Variants in NHSL3 observed in about 807,000 individuals in gnomAD.
The protein encoded by NHSL3 is NHS like 3.
chr1:32,742,041 C>T, the NHSL3 span: 101 of 1,259,698 alleles, frequency 8.0e-5, no homozygotes, highest in African/African-American at 1.4e-3. Context: ...AGTCCCGCTC[C>T]GGCGCGTCCG....
the NHSL3 span, among the ~76,000 whole-genome samples, chr1:32,745,309 C>T: frequency 1.3e-5 from 2 of 151,898 alleles, no homozygotes; most frequent in Admixed American, 6.6e-5. Context: ...CCTGTAATCC[C>T]AGCACTTTGG....
At chr1:32,744,353 TAGA>T in the NHSL3 span, among the ~76,000 whole-genome samples, 26 of 152,228 alleles carry the variant, frequency 1.7e-4, no homozygotes, top group Admixed American at 3.9e-4. Context: ...TGCACAAACT[TAGA>T]AGAAGAGAGG....
the NHSL3 span, among the ~76,000 whole-genome samples, chr1:32,748,261 G>A: frequency 6.6e-6 from 1 of 152,044 alleles, no homozygotes; most frequent in Non-Finnish European, 1.5e-5. Flanking sequence ...CCTGGGCGAC[G>A]GGAGTTCAAC....
chr1:32,754,106 A>G, the NHSL3 span: 3 of 708,654 alleles, frequency 4.2e-6, no homozygotes, highest in African/African-American at 1.8e-5. Flanking sequence ...AACTCACACC[A>G]CAAGAGGAAG....
At chr1:32,766,138 T>G in the NHSL3 span, among the ~76,000 whole-genome samples, 2 of 152,084 alleles carry the variant, frequency 1.3e-5, no homozygotes, top group African/African-American at 4.8e-5. Context: ...CCAGTCAAGA[T>G]GTACTAGCCT....
At chr1:32,768,135 C>T in the NHSL3 span, 18 of 1,524,206 alleles carry the variant, frequency 1.2e-5, no homozygotes, top group African/African-American at 2.5e-4. Flanking sequence ...CTGCCTCCAG[C>T]TCAGTCCTGA....
the NHSL3 span, chr1:32,767,636 G>A: frequency 0.68 from 438,710 of 648,466 alleles, 149,661 homozygotes; most frequent in East Asian, 0.82. Flanking sequence ...AGAACTGTGG[G>A]TTATGTGTCC....
the NHSL3 span, among the ~76,000 whole-genome samples, chr1:32,750,451 T>C: frequency 6.6e-6 from 1 of 152,182 alleles, no homozygotes; most frequent in Non-Finnish European, 1.5e-5. Context: ...TGAGGCCTCC[T>C]GTCTGCTTAG....
chr1:32,757,983 C>T, the NHSL3 span, among the ~76,000 whole-genome samples: 3 of 152,156 alleles, frequency 2.0e-5, no homozygotes, highest in Non-Finnish European at 2.9e-5. Context: ...AGCATTAAAG[C>T]CTCCAAGCGC....
At chr1:32,747,188 T>G in the NHSL3 span, among the ~76,000 whole-genome samples, 4 of 148,670 alleles carry the variant, frequency 2.7e-5, no homozygotes, top group African/African-American at 1.0e-4. Context: ...TTTTTTTTTG[T>G]TTTGTTTTGT....
the NHSL3 span, among the ~76,000 whole-genome samples, chr1:32,758,470 C>A: frequency 6.6e-6 from 1 of 152,106 alleles, no homozygotes; most frequent in African/African-American, 2.4e-5. Context: ...GGTTCCACAG[C>A]TGGACAAGGC....
At chr1:32,768,546 G>A in the NHSL3 span, 2 of 1,414,906 alleles carry the variant, frequency 1.4e-6, no homozygotes, top group Non-Finnish European at 1.9e-6. Context: ...GGTGAGCCAA[G>A]ATTTCGCTAC....
At chr1:32,771,167 A>C in the NHSL3 span, 4 of 1,605,532 alleles carry the variant, frequency 2.5e-6, no homozygotes, top group Admixed American at 1.7e-5. Context: ...ATACCTCCTC[A>C]CCCCAAGGTG....
the NHSL3 span, among the ~76,000 whole-genome samples, chr1:32,765,987 G>A: frequency 2.0e-5 from 3 of 152,260 alleles, no homozygotes; most frequent in African/African-American, 7.2e-5. Context: ...CTTTTGTCCA[G>A]CCGCTTTGTT....
At chr1:32,762,616 T>G in the NHSL3 span, among the ~76,000 whole-genome samples, 1,474 of 152,076 alleles carry the variant, frequency 9.7e-3, 26 homozygotes, top group African/African-American at 0.034. Flanking sequence ...GACGGAATTT[T>G]TTTGCTCTCT....
At chr1:32,761,764 T>C in the NHSL3 span, among the ~76,000 whole-genome samples, 1 of 152,072 alleles carries the variant, frequency 6.6e-6, no homozygotes, top group African/African-American at 2.4e-5. Context: ...ACCCTGCAAA[T>C]GTCGGTCTAC....
chr1:32,768,166 C>A, the NHSL3 span: 1 of 1,254,606 alleles, frequency 8.0e-7, no homozygotes. Context: ...CCTGCTTGAC[C>A]CCTGGCAAGG....
the NHSL3 span, among the ~76,000 whole-genome samples, chr1:32,748,408 G>A: frequency 1.3e-5 from 2 of 152,136 alleles, no homozygotes; most frequent in South Asian, 2.1e-4. Flanking sequence ...CTCTGGGGTC[G>A]TGGGCGCCTT....
chr1:32,761,486 AC>A, the NHSL3 span, among the ~76,000 whole-genome samples: 1 of 151,716 alleles, frequency 6.6e-6, no homozygotes, highest in Non-Finnish European at 1.5e-5. Flanking sequence ...ATGTTCCTCC[AC>A]CCCCATCTTG....
Sources: allele counts gnomAD v4.1 joint callset (sites outside exome capture counted in the v4.1 genomes callset), GRCh38; gene constraint gnomAD v4.1.1; transcripts MANE v1.5; gene names NCBI Gene and HGNC (gene_info 2026-07-23, HGNC 2026-07-21).